Variants in STXBP2 observed in about 807,000 individuals in gnomAD.
STXBP2 encodes the protein syntaxin-binding protein 2.
Under a neutral mutation model 72.2 loss-of-function variants are expected in STXBP2, and 47 were observed. That is an observed-to-expected ratio of 0.65 (90% confidence interval 0.51 to 0.83). The LOEUF (loss-of-function observed/expected upper bound fraction) is 0.83, where lower values mean the gene tolerates loss of function less well. Ranked by LOEUF, STXBP2 falls within the 40% of genes least tolerant of loss-of-function variation. STXBP2 has a pLI of 0.00. For synonymous variants in STXBP2, 367 were observed against 338.7 expected, an observed-to-expected ratio of 1.08 and a Z score of -0.92; for missense variants, 702 against 807.6, an observed-to-expected ratio of 0.87 and a Z score of 1.58.
intron 13 of STXBP2, among the ~76,000 whole-genome samples, chr19:7,643,461 G>A (rs1481622371): frequency 6.6e-6 from 1 of 152,060 alleles, no homozygotes; most frequent in Non-Finnish European, 1.5e-5. Context: ...AGGTGGATGG[G>A]GCTTGGAGAG....
the STXBP2 span, chr19:7,630,685 G>T: frequency 6.5e-7 from 1 of 1,534,608 alleles, no homozygotes; most frequent in African/African-American, 1.4e-5. Context: ...GTGTTTGAGG[G>T]TTCATTCCAG....
chr19:7,636,883 AGT>A, upstream of STXBP2: 1 of 382,598 alleles, frequency 2.6e-6, no homozygotes, highest in East Asian at 3.7e-5. Context: ...CAAGCCAGGA[AGT>A]GTGTGTCTGA....
chr19:7,631,254 AGAG>A, the STXBP2 span: 5,600 of 1,414,414 alleles, frequency 4.0e-3, 10 homozygotes, highest in Non-Finnish European at 4.8e-3. Context: ...AACCGAGAGC[AGAG>A]GAGTAGATGG....
upstream of STXBP2, chr19:7,636,871 C>CGCAA (rs367844730): frequency 4.7e-3 from 1,782 of 376,390 alleles, 27 homozygotes; most frequent in African/African-American, 0.031. Context: ...CTGCTTCGCA[C>CGCAA]GCAAGCCAGG....
At chr19:7,645,476 C>A in intron 15 of STXBP2, 170 bp downstream of exon 15, 1 of 623,322 alleles carries the variant, frequency 1.6e-6, no homozygotes, top group South Asian at 1.9e-5. Flanking sequence ...CCAGAGGACA[C>A]TGGGGCCTCT....
At chr19:7,634,958 A>G (rs1240298171), upstream of STXBP2, among the ~76,000 whole-genome samples, 1 of 152,154 alleles carries the variant, frequency 6.6e-6, no homozygotes, top group Non-Finnish European at 1.5e-5. Flanking sequence ...GCAGACATAT[A>G]ACTATCTTAC....
intron 4 of STXBP2, chr19:7,640,334 G>A (rs1449011312): frequency 1.8e-6 from 1 of 546,890 alleles, no homozygotes; most frequent in Non-Finnish European, 3.4e-6. Context: ...GCGTGTGTAT[G>A]CGTGTGTGTA....
At chr19:7,640,443 T>C (rs1205754953) in intron 4 of STXBP2, 6 of 648,170 alleles carry the variant, frequency 9.3e-6, no homozygotes, top group African/African-American at 9.1e-5. Context: ...TGTGTGTGCA[T>C]GTGTGTATGT....
At chr19:7,640,161 T>C in intron 4 of STXBP2, 1 of 522,900 alleles carries the variant, frequency 1.9e-6, no homozygotes, top group Non-Finnish European at 3.5e-6. Context: ...TGCATCTGTA[T>C]GTGTGTGTGT....
At chr19:7,637,634 T>C (rs2031604613) in intron 1 of STXBP2, among the ~76,000 whole-genome samples, 1 of 152,038 alleles carries the variant, frequency 6.6e-6, no homozygotes, top group South Asian at 2.1e-4. Context: ...AGGGGTGGTG[T>C]AGGGGATGTC....
chr19:7,638,701 G>T (rs1196378241), intron 1 of STXBP2, 25 bp from the exon 2 acceptor site: 1 of 1,613,876 alleles, frequency 6.2e-7, no homozygotes, highest in Admixed American at 1.7e-5. Flanking sequence ...CCAGCATTCT[G>T]ACCCCTCCCC....
chr19:7,630,847 G>GT, the STXBP2 span: 6 of 1,537,138 alleles, frequency 3.9e-6, no homozygotes, highest in Admixed American at 5.9e-5. Context: ...ACCTGAGAAG[G>GT]TAAGTGATCT....
rs1182109501 is a variant in STXBP2 at position 7,644,194 on chromosome 19, TGGGACCTGGGTGAGGTGTGGAACCTC to T, written c.1108-417_1108-392del. Among the ~76,000 whole-genome samples, 21 of 89,528 alleles carry T rather than the reference TGGGACCTGGGTGAGGTGTGGAACCTC, an allele frequency of 2.3e-4. 2 individuals are homozygous for T. The East Asian group carries it at 4.8e-3, about 21-fold the overall frequency. The allele number at this position is 89,528 out of a possible 152,430, so 58.7% of individuals were successfully genotyped here. On this transcript the variant is annotated intron_variant, in intron 13 of 18. Transcript: ENST00000221283. ...GGTGAGGGGTGGAGCCTCGGAGAGG[TGGGACCTGGGTGAGGTGTGGAACCTC>T]GGAGAGGTGGGACCTGGGTGAGGGG...
chr19:7,643,247 TGGGGCAGGGCTTGCGG>T lies in STXBP2; in HGVS notation c.1107+12_1107+27del, dbSNP rs759584147. 7.5e-6 allele frequency: 12 copies of T among 1,605,054 alleles called. No individual in the cohort carries two copies. In the Admixed American group the frequency reaches 1.0e-4, roughly 14 times the overall value. On this transcript the variant is annotated splice_donor_5th_base_variant and intron_variant, in intron 13 of 18. Coordinates refer to ENST00000221283, the MANE Select transcript of STXBP2 (RefSeq NM_006949.4). ...GAGAAGCTGTGTAGTGTGGAGCAGG[TGGGGCAGGGCTTGCGG>T]GGGGCAGGGGTGATGGTCCTGCCAA...
chr19:7,641,659 GCACCTGCAGCGGCAAC>G, intron 6 of STXBP2, 30 bp from the exon 7 acceptor site: 1 of 1,548,594 alleles, frequency 6.5e-7, no homozygotes, highest in Non-Finnish European at 8.7e-7. Flanking sequence ...GGGCAGGTGT[GCACCTGCAGCGGCAAC>G]CCTGGTGCTT....
intron 14 of STXBP2, 149 bp downstream of exon 14, chr19:7,644,901 C>T (rs2146227303): frequency 1.3e-6 from 2 of 1,483,486 alleles, no homozygotes; most frequent in South Asian, 1.3e-5. Context: ...ACCCGGGAAC[C>T]CTCCTCCATT....
rs376532380 is a variant in STXBP2, at chr19:7,640,701, C to A, written c.247-30C>A. ...GCCAATGAGCCTAGGTGTGCAGGCTCAGGCCCAGAGAGTGATCCACCTTCC... is the reference window on the plus strand; with the variant it reads ...GCCAATGAGCCTAGGTGTGCAGGCTAAGGCCCAGAGAGTGATCCACCTTCC... On this transcript the variant is annotated intron_variant, in intron 4 of 18. Transcript: ENST00000221283. 14 of 1,613,998 alleles carry A rather than the reference C, an allele frequency of 8.7e-6. 1 individual carries two copies. The African/African-American group carries it at 1.9e-4, about 22-fold the overall frequency.
chr19:7,644,812 G>C lies in STXBP2; in HGVS notation c.1246+60G>C, dbSNP rs2032066277. 8.7e-6 allele frequency: 14 copies of C among 1,611,088 alleles called. No homozygotes were observed. In the East Asian group the frequency reaches 3.1e-4, roughly 36 times the overall value. ...ATTTGCCAGCGTCTCCCACGATCCT[G>C]GGAACTGCTGAACCCCACAGCTCTC... On this transcript the variant is annotated intron_variant, in intron 14 of 18. Transcript: ENST00000221283.
intron 1 of STXBP2, 88 bp from the exon 2 acceptor site, chr19:7,638,637 TG>T: frequency 7.4e-7 from 1 of 1,358,692 alleles, no homozygotes; most frequent in Non-Finnish European, 1.0e-6. Context: ...GGAATTAAGA[TG>T]GGGGTTCAGC....
Sources: allele counts gnomAD v4.1 joint callset (sites outside exome capture counted in the v4.1 genomes callset), GRCh38; gene constraint gnomAD v4.1.1; transcripts MANE v1.5; gene names NCBI Gene and HGNC (gene_info 2026-07-23, HGNC 2026-07-21).